The following ANKRD30A variants were observed in gnomAD, a reference collection of about 807,000 sequenced individuals.
The protein encoded by ANKRD30A is ankyrin repeat domain 30A, also known as ankyrin repeat domain-containing protein 30A.
In ANKRD30A, 170 loss-of-function variants were observed where a neutral mutation model predicts 166.3. The ratio of observed to expected loss-of-function variants is 1.02; its 90% CI spans 0.90 to 1.16. ANKRD30A has a LOEUF of 1.16. ANKRD30A is among the 50% of genes most tolerant of loss of function. The pLI is 0.00. For synonymous variants in ANKRD30A, 564 were observed against 508.9 expected, an observed-to-expected ratio of 1.11 and a Z score of -1.46; for missense variants, 1,630 against 1,518.0, an observed-to-expected ratio of 1.07 and a Z score of -1.23.
intron 7 of ANKRD30A, among the ~76,000 whole-genome samples, chr10:37,144,350 G>T (rs2132538967): frequency 6.6e-6 from 1 of 152,222 alleles, no homozygotes; most frequent in Non-Finnish European, 1.5e-5. Flanking sequence ...CTCCAAGGAG[G>T]CACAAGTTGA....
rs1554807834 is a variant in ANKRD30A at position 37,136,813 on chromosome 10, ATGTGTGTG to A, written c.820+154_820+161del. On this transcript the variant is annotated intron_variant, in intron 6 of 35. Coordinates refer to ENST00000361713, the MANE Select transcript of ANKRD30A (RefSeq NM_052997.3). ...CATATATGTGGGTGTGGGTGTGTGT[ATGTGTGTG>A]TGTGTGTGTGTATATATATATATAT... is the stretch of plus-strand genomic sequence containing the variant. The A allele has an allele frequency of 3.9e-4, 105 of 272,182 alleles. 2 individuals are homozygous for A. The South Asian group carries it at 5.7e-3, about 15-fold the overall frequency. The allele number at this position is 272,182 out of a possible 1,614,324, so 16.9% of individuals were successfully genotyped here.
At position 37,130,192 on chromosome 10, in the gene ANKRD30A, T is replaced by C. The variant is rs1405501615; in HGVS notation, c.337-13T>C. On this transcript the variant is annotated splice_polypyrimidine_tract_variant and intron_variant, in intron 2 of 35. Transcript: ENST00000361713. Reference sequence around the variant, plus strand: ...TATACAGTTTACAATAATTCTTGCTTTAATACTGACAGGCTCTACAATGCC... The same window carrying C: ...TATACAGTTTACAATAATTCTTGCTCTAATACTGACAGGCTCTACAATGCC... The C allele has an allele frequency of 1.5e-5, 24 of 1,552,048 alleles. No homozygotes were observed. Among genetic ancestry groups the C allele is most frequent in the Non-Finnish European group, 2.1e-5 (24 of 1,152,376 alleles).
chr10:37,154,447 G>A (rs538391604), intron 13 of ANKRD30A, among the ~76,000 whole-genome samples: 2 of 152,298 alleles, frequency 1.3e-5, no homozygotes, highest in Middle Eastern at 6.8e-3. Context: ...TGGGAAAAAT[G>A]TGGAAGAACA....
Position 37,161,067 on chromosome 10 carries a change from C to A in ANKRD30A, c.1901-1582C>A, listed in dbSNP as rs192889124. Among the ~76,000 whole-genome samples, 10 of 152,312 alleles carry A rather than the reference C, an allele frequency of 6.6e-5. No homozygotes were observed. In the East Asian group the frequency reaches 1.4e-3, roughly 21 times the overall value. ...AGGAGATCGAGACCATCCTGACTAA[C>A]AAGGCGAAACCCTGTCTCTACTAAA... On this transcript the variant is annotated intron_variant, in intron 15 of 35. Transcript: ENST00000361713.
the ANKRD30A span, among the ~76,000 whole-genome samples, chr10:37,240,530 G>A: frequency 6.6e-6 from 1 of 152,140 alleles, no homozygotes; most frequent in Non-Finnish European, 1.5e-5. Context: ...AAATGCCCAA[G>A]TCAATTTGGT....
chr10:37,179,289 A>G (rs1473642299), intron 24 of ANKRD30A, among the ~76,000 whole-genome samples: 2 of 150,796 alleles, frequency 1.3e-5, no homozygotes, highest in African/African-American at 4.8e-5. Flanking sequence ...ATTCGTAGGT[A>G]TTTTACTGAT....
intron 31 of ANKRD30A, among the ~76,000 whole-genome samples, chr10:37,210,586 G>C (rs534688118): frequency 2.3e-4 from 35 of 152,296 alleles, no homozygotes; most frequent in African/African-American, 8.4e-4. Context: ...CCCACCAACA[G>C]TGTAAAAACG....
chr10:37,263,069 T>A, the ANKRD30A span, among the ~76,000 whole-genome samples: 2 of 152,164 alleles, frequency 1.3e-5, no homozygotes, highest in African/African-American at 4.8e-5. Context: ...AGATGTTCCA[T>A]CATTTATTTC....
At chr10:37,136,101 G>C (rs1264305901) in intron 5 of ANKRD30A, among the ~76,000 whole-genome samples, 1 of 106,014 alleles carries the variant, frequency 9.4e-6, no homozygotes, top group East Asian at 2.2e-4. Flanking sequence ...CAACACATTG[G>C]GTTTTATTGG....
chr10:37,144,793 G>T (rs1209226004), intron 7 of ANKRD30A, among the ~76,000 whole-genome samples: 1 of 148,376 alleles, frequency 6.7e-6, no homozygotes, highest in African/African-American at 2.5e-5. Context: ...GCATTCTAAT[G>T]AATATAAAAT....
At position 37,217,617 on chromosome 10, in the gene ANKRD30A, A is replaced by T. The variant is rs1842668713; in HGVS notation, c.3084-78A>T. 6 of 1,213,700 alleles carry T rather than the reference A, an allele frequency of 4.9e-6. No individual in the cohort carries two copies. In the East Asian group the frequency reaches 1.3e-4, roughly 27 times the overall value. The allele number at this position is 1,213,700 out of a possible 1,614,324, so 75.2% of individuals were successfully genotyped here. A position where few individuals can be genotyped will look rare whatever the true frequency, so the allele number is the denominator to read the frequency against. ...GGAATTTTATTGGACTAATAACCCA[A>T]TATAGGAAGAAATAGATCTCAAAAT... On this transcript the variant is annotated intron_variant, in intron 32 of 35. Transcript: ENST00000361713.
At chr10:37,139,288 C>T (rs1017661203) in intron 6 of ANKRD30A, among the ~76,000 whole-genome samples, 17 of 152,154 alleles carry the variant, frequency 1.1e-4, no homozygotes, top group East Asian at 1.9e-4. Flanking sequence ...GCAAGGATTC[C>T]GAGCTGATTA....
At chr10:37,216,100 T>C in intron 31 of ANKRD30A, 81 bp from the exon 32 acceptor site, 1 of 993,882 alleles carries the variant, frequency 1.0e-6, no homozygotes, top group Non-Finnish European at 1.5e-6. Flanking sequence ...TTGTTCAGTG[T>C]ATAAGTGATT....
chr10:37,132,736 G>A (rs1030309037), intron 4 of ANKRD30A, among the ~76,000 whole-genome samples: 4 of 152,162 alleles, frequency 2.6e-5, no homozygotes, highest in Non-Finnish European at 4.4e-5. Context: ...GGTAGCTGTT[G>A]CATGTTATCC....
chr10:37,194,582 T>G (rs945451942), intron 27 of ANKRD30A, among the ~76,000 whole-genome samples: 1 of 152,034 alleles, frequency 6.6e-6, no homozygotes, highest in East Asian at 1.9e-4. Flanking sequence ...CCTGACCTTG[T>G]GATGCGCCCG....
chr10:37,191,271 G>A (rs1840555188), intron 25 of ANKRD30A, among the ~76,000 whole-genome samples: 1 of 151,582 alleles, frequency 6.6e-6, no homozygotes, highest in Admixed American at 6.6e-5. Context: ...ATATGGGTAT[G>A]AAAATCAAGG....
chr10:37,165,926 A>G (rs1348509261), intron 18 of ANKRD30A, among the ~76,000 whole-genome samples: 1 of 152,088 alleles, frequency 6.6e-6, no homozygotes, highest in Non-Finnish European at 1.5e-5. Flanking sequence ...GGTAGATTTT[A>G]TCTGATATTT....
chr10:37,241,690 T>A, the ANKRD30A span, among the ~76,000 whole-genome samples: 2 of 152,174 alleles, frequency 1.3e-5, no homozygotes, highest in East Asian at 3.8e-4. Flanking sequence ...AGTGGTTGCA[T>A]GTAATGCAAT....
At chr10:37,235,723 T>G (rs1245930426), downstream of ANKRD30A, among the ~76,000 whole-genome samples, 1 of 151,858 alleles carries the variant, frequency 6.6e-6, no homozygotes, top group Non-Finnish European at 1.5e-5. Flanking sequence ...ATTGTATTTG[T>G]TGGGCTTTAC....
Sources: allele counts gnomAD v4.1 joint callset (sites outside exome capture counted in the v4.1 genomes callset), GRCh38; gene constraint gnomAD v4.1.1; transcripts MANE v1.5; gene names NCBI Gene and HGNC (gene_info 2026-07-23, HGNC 2026-07-21).